Variants in ZSWIM6 observed in about 807,000 individuals in gnomAD.
ZSWIM6 encodes zinc finger SWIM domain-containing protein 6.
Under a neutral mutation model 113.2 loss-of-function variants are expected in ZSWIM6, and 9 were observed. That is an observed-to-expected ratio of 0.08 (90% CI 0.05 to 0.14). The LOEUF (loss-of-function observed/expected upper bound fraction) is 0.14. ZSWIM6 is among the 10% of genes least tolerant of loss of function. The probability of loss-of-function intolerance (pLI) is 1.00; values close to 1 mark genes in which losing one functional copy is unlikely to be tolerated. For missense variants in ZSWIM6, 1,162 were observed against 1,552.2 expected, an observed-to-expected ratio of 0.75 and a Z score of 4.22; for synonymous variants, 611 against 606.5, an observed-to-expected ratio of 1.01 and a Z score of -0.11.
At chr5:61,339,724 G>C (rs1432250895) in intron 1 of ZSWIM6, among the ~76,000 whole-genome samples, 2 of 152,120 alleles carry the variant, frequency 1.3e-5, no homozygotes, top group African/African-American at 4.8e-5. Context: ...TAAAAAGGTA[G>C]TAAACAGTAT....
intron 1 of ZSWIM6, among the ~76,000 whole-genome samples, chr5:61,416,925 A>G (rs536586002): frequency 1.1e-4 from 16 of 152,318 alleles, no homozygotes; most frequent in Non-Finnish European, 1.9e-4. Context: ...CACCTCGGTC[A>G]GTGATCAGGA....
At chr5:61,531,332 A>G in intron 8 of ZSWIM6, 133 bp from the exon 9 acceptor site, 1 of 1,113,988 alleles carries the variant, frequency 9.0e-7, no homozygotes, top group Non-Finnish European at 1.2e-6. Context: ...TAGCCTAAAA[A>G]ACATGTTTTC....
chr5:61,332,349 GCA>G lies in ZSWIM6; in HGVS notation c.78_79del (p.Ser27GlnfsTer72), dbSNP rs1744268140. ...CCGGGCGGCGGCGGCGGCGGCGGGG[GCA>G]GCAGCGGCGGCGGCGGCGGCGCGGG... On this transcript the variant is annotated frameshift_variant, in exon 1 of 14. Coordinates refer to ENST00000252744, the MANE Select transcript of ZSWIM6 (RefSeq NM_020928.2). LOFTEE classifies it high-confidence loss of function. 3 of 1,027,440 alleles carry G rather than the reference GCA, an allele frequency of 2.9e-6. No individual in the cohort carries two copies. The highest frequency in any genetic ancestry group is 4.4e-5 in the South Asian group (1 of 22,686). 63.6% of individuals were successfully genotyped at this position (1,027,440 alleles called of 1,614,324 possible).
At chr5:61,533,098 G>A (rs1749484236) in intron 9 of ZSWIM6, among the ~76,000 whole-genome samples, 2 of 152,004 alleles carry the variant, frequency 1.3e-5, no homozygotes, top group South Asian at 2.1e-4. Flanking sequence ...GTCTTGATTC[G>A]TCCATCCCTC....
intron 1 of ZSWIM6, among the ~76,000 whole-genome samples, chr5:61,385,099 T>C (rs964921303): frequency 1.3e-5 from 2 of 152,308 alleles, no homozygotes; most frequent in Admixed American, 1.3e-4. Flanking sequence ...GTCCTGGGGT[T>C]TGACTAAGTG....
chr5:61,489,618 T>C (rs1748126647), intron 2 of ZSWIM6, among the ~76,000 whole-genome samples: 1 of 152,044 alleles, frequency 6.6e-6, no homozygotes, highest in African/African-American at 2.4e-5. Flanking sequence ...ATGTAAAATA[T>C]ATTTCTTATT....
At chr5:61,533,372 C>T (rs1749493388) in intron 9 of ZSWIM6, among the ~76,000 whole-genome samples, 1 of 152,154 alleles carries the variant, frequency 6.6e-6, no homozygotes, top group Non-Finnish European at 1.5e-5. Context: ...AGTTAGCAGG[C>T]CCAGATATCT....
intron 1 of ZSWIM6, among the ~76,000 whole-genome samples, chr5:61,435,360 G>A (rs1176916930): frequency 6.6e-6 from 1 of 152,190 alleles, no homozygotes; most frequent in Non-Finnish European, 1.5e-5. Context: ...GGTAAACACA[G>A]ACAAGTAACC....
intron 8 of ZSWIM6, among the ~76,000 whole-genome samples, chr5:61,530,932 G>A (rs1240330621): frequency 6.6e-6 from 1 of 152,194 alleles, no homozygotes; most frequent in African/African-American, 2.4e-5. Context: ...GATGGTTGAA[G>A]TTTGTTATAA....
At chr5:61,333,183 C>T (rs1405122047) in intron 1 of ZSWIM6, among the ~76,000 whole-genome samples, 1 of 151,950 alleles carries the variant, frequency 6.6e-6, no homozygotes, top group Non-Finnish European at 1.5e-5. Context: ...CAGCAGGACG[C>T]GCCCCTCCGT....
chr5:61,454,351 G>A (rs1471740448), intron 1 of ZSWIM6, among the ~76,000 whole-genome samples: 1 of 151,576 alleles, frequency 6.6e-6, no homozygotes, highest in Middle Eastern at 3.2e-3. Flanking sequence ...AATCTCCTAG[G>A]CTCAAGCTAT....
intron 9 of ZSWIM6, among the ~76,000 whole-genome samples, chr5:61,532,479 T>C (rs1749463942): frequency 6.6e-6 from 1 of 152,200 alleles, no homozygotes; most frequent in South Asian, 2.1e-4. Flanking sequence ...ATGTGTGTTA[T>C]TAGTGTGTTA....
rs146077379 is a variant in ZSWIM6 at position 61,359,996 on chromosome 5, CAGAGAG to C, written c.676+27067_676+27072del. 8.8e-5 allele frequency among the ~76,000 whole-genome samples: 13 copies of C among 147,568 alleles called. No individual in the cohort carries two copies. The South Asian group carries it at 1.3e-3, about 15-fold the overall frequency. On this transcript the variant is annotated intron_variant, in intron 1 of 13. Coordinates refer to ENST00000252744, the MANE Select transcript of ZSWIM6 (RefSeq NM_020928.2). ...GGAGGGTAATGTTGGACCAGAAAAG[CAGAGAG>C]AGAGAGAGAGAGAGAGAGGGAGAAT...
intron 2 of ZSWIM6, among the ~76,000 whole-genome samples, chr5:61,477,033 T>C (rs1747724424): frequency 6.6e-6 from 1 of 152,162 alleles, no homozygotes; most frequent in Non-Finnish European, 1.5e-5. Context: ...CTCATCACAG[T>C]TAAGAAGAGA....
intron 4 of ZSWIM6, among the ~76,000 whole-genome samples, chr5:61,509,904 C>A (rs1748733320): frequency 6.6e-6 from 1 of 151,968 alleles, no homozygotes; most frequent in Non-Finnish European, 1.5e-5. Flanking sequence ...TCTGAGCACT[C>A]CAATTCTGTT....
intron 2 of ZSWIM6, among the ~76,000 whole-genome samples, chr5:61,483,561 G>C (rs923604606): frequency 2.0e-5 from 3 of 151,964 alleles, no homozygotes; most frequent in Non-Finnish European, 4.4e-5. Flanking sequence ...TTTAAAATCT[G>C]TCATATTTTA....
chr5:61,351,686 A>C (rs1744786972), intron 1 of ZSWIM6, among the ~76,000 whole-genome samples: 1 of 152,148 alleles, frequency 6.6e-6, no homozygotes, highest in Admixed American at 6.5e-5. Flanking sequence ...CAGACTACCT[A>C]TTCCACATTC....
intron 1 of ZSWIM6, among the ~76,000 whole-genome samples, chr5:61,415,830 G>A (rs1167592750): frequency 6.6e-6 from 1 of 152,148 alleles, no homozygotes; most frequent in Non-Finnish European, 1.5e-5. Flanking sequence ...GGAATAATTG[G>A]ATCTTTAAAA....
At position 61,526,315 on chromosome 5, in the gene ZSWIM6, C is replaced by G; in HGVS notation, c.1756C>G (p.Leu586Val). The G allele has an allele frequency of 6.4e-7, 1 of 1,552,000 alleles. No individual in the cohort carries two copies. Among genetic ancestry groups the G allele is most frequent in the Non-Finnish European group, 8.7e-7 (1 of 1,147,040 alleles). The change falls in exon 7 of 14, where the codon CTG becomes GTG. Residue 586 changes from leucine to valine, a missense_variant. By Grantham distance (32) the Leu-to-Val change is conservative (BLOSUM62 1). Coordinates refer to ENST00000252744, the MANE Select transcript of ZSWIM6 (RefSeq NM_020928.2). ...LRSHGYPREA[L>V]RLAIAIVNTL... The stretch of plus-strand genomic sequence containing the variant: ...TTCTCATGGGTACCCCAGAGAAGCA[C>G]TGAGACTAGCAATAGCTATTGTTAA...
Sources: allele counts gnomAD v4.1 joint callset (sites outside exome capture counted in the v4.1 genomes callset), GRCh38; gene constraint gnomAD v4.1.1; transcripts MANE v1.5; gene names NCBI Gene and HGNC (gene_info 2026-07-23, HGNC 2026-07-21).